PDE10A: variants seen among roughly 807,000 people sequenced by gnomAD.
The protein encoded by PDE10A is cAMP and cAMP-inhibited cGMP 3',5'-cyclic phosphodiesterase 10A.
A neutral mutation model predicts 97.7 loss-of-function variants in PDE10A; 39 were observed. The ratio of observed to expected loss-of-function variants is 0.40; its 90% confidence interval spans 0.31 to 0.52. PDE10A has a LOEUF of 0.52. Among genes scored for constraint, PDE10A ranks in the 20% least tolerant of loss-of-function variants. PDE10A has a pLI of 0.56. For missense variants in PDE10A, 731 were observed against 1,047.8 expected (o/e 0.70, Z 4.17); for synonymous variants, 371 against 376.8 (o/e 0.98, Z 0.18).
Position 165,373,996 on chromosome 6 carries a change from C to T in PDE10A, c.2783+5198G>A, listed in dbSNP as rs188413965. The stretch of plus-strand genomic sequence containing the variant: ...ATCGCAAGGACAAAAAACCAAACAC[C>T]GCATGTTCTCACTCATAGATGGGAA... On this transcript the variant is annotated intron_variant, in intron 18 of 21. Transcript: ENST00000539869. Among the ~76,000 whole-genome samples the T allele has an allele frequency of 3.6e-3, 525 of 146,448 alleles. 17 individuals carry two copies. In the East Asian group the frequency reaches 0.084, roughly 23 times the overall value.
chr6:165,982,801 C>T (rs758461943), intron 1 of PDE10A, among the ~76,000 whole-genome samples: 2 of 152,116 alleles, frequency 1.3e-5, no homozygotes, highest in Non-Finnish European at 2.9e-5. Context: ...TTCCACATGT[C>T]CATTCAGTTA....
At chr6:165,528,153 G>A (rs1207774404) in intron 2 of PDE10A, among the ~76,000 whole-genome samples, 3 of 152,240 alleles carry the variant, frequency 2.0e-5, no homozygotes, top group Non-Finnish European at 4.4e-5. Flanking sequence ...TGGAAAATTG[G>A]TGACAAAGCA....
intron 10 of PDE10A, among the ~76,000 whole-genome samples, chr6:165,423,865 A>T (rs1424242415): frequency 6.6e-6 from 1 of 150,786 alleles, no homozygotes; most frequent in Non-Finnish European, 1.5e-5. Flanking sequence ...AAAAAAAAAA[A>T]TTACCCAGAT....
At chr6:165,454,111 C>T (rs1206087739) in intron 3 of PDE10A, among the ~76,000 whole-genome samples, 1 of 152,142 alleles carries the variant, frequency 6.6e-6, no homozygotes, top group East Asian at 1.9e-4. Context: ...GACCAGTTAC[C>T]CCCTTTCTTG....
chr6:165,366,876 A>C lies in PDE10A; in HGVS notation c.2783+12318T>G, dbSNP rs187624193. Among the ~76,000 whole-genome samples, 6 of 152,332 alleles carry C rather than the reference A, an allele frequency of 3.9e-5. No homozygotes were observed. The East Asian group carries it at 1.2e-3, about 29-fold the overall frequency. On this transcript the variant is annotated intron_variant, in intron 18 of 21. Coordinates refer to ENST00000539869, the MANE Select transcript of PDE10A (RefSeq NM_001385079.1). ...AGAAATGCAACTGGCCACTAGGATA[A>C]AAGTTAATTACCTTCAGAGAAAGAC...
intron 13 of PDE10A, among the ~76,000 whole-genome samples, chr6:165,411,551 A>G (rs1787838292): frequency 6.6e-6 from 1 of 152,250 alleles, no homozygotes; most frequent in Non-Finnish European, 1.5e-5. Context: ...AACTGTGAGA[A>G]AAAAATTTCC....
intron 1 of PDE10A, among the ~76,000 whole-genome samples, chr6:165,602,668 T>G (rs1787019849): frequency 6.6e-6 from 1 of 152,190 alleles, no homozygotes; most frequent in South Asian, 2.1e-4. Flanking sequence ...TGTATTATTT[T>G]CCATAAACAG....
chr6:165,638,219 C>T (rs1018709645), intron 1 of PDE10A, among the ~76,000 whole-genome samples: 1 of 152,198 alleles, frequency 6.6e-6, no homozygotes, highest in African/African-American at 2.4e-5. Context: ...TATTTTAACC[C>T]TTTCTGTTTG....
intron 13 of PDE10A, among the ~76,000 whole-genome samples, chr6:165,408,946 A>G (rs985418007): frequency 3.3e-5 from 5 of 151,908 alleles, no homozygotes; most frequent in Non-Finnish European, 7.4e-5. Flanking sequence ...CGGGCGGATC[A>G]CGAGGTCAGG....
At position 165,753,131 on chromosome 6, in the gene PDE10A, C is replaced by T. The variant is rs548582688; in HGVS notation, c.-614-209563G>A. On this transcript the variant is annotated intron_variant, in intron 1 of 19. Coordinates refer to the PDE10A transcript ENST00000366882. ...TAGCACGTGAGGGAAATGTTAATAGCGGTTTAATTTATTATCAATCAAATA... is the reference window on the plus strand; with the variant it reads ...TAGCACGTGAGGGAAATGTTAATAGTGGTTTAATTTATTATCAATCAAATA... Among the ~76,000 whole-genome samples, 5 of 152,256 alleles carry T rather than the reference C, an allele frequency of 3.3e-5. No individual in the cohort carries two copies. The East Asian group carries it at 5.8e-4, about 18-fold the overall frequency.
At chr6:165,818,855 G>A (rs1266470605) in intron 1 of PDE10A, among the ~76,000 whole-genome samples, 1 of 152,222 alleles carries the variant, frequency 6.6e-6, no homozygotes, top group Non-Finnish European at 1.5e-5. Context: ...TACTTCAGCT[G>A]TGTTAGACAG....
chr6:165,714,115 A>G (rs914786518), intron 1 of PDE10A, among the ~76,000 whole-genome samples: 1 of 152,156 alleles, frequency 6.6e-6, no homozygotes, highest in South Asian at 2.1e-4. Context: ...AAAAACCAAA[A>G]CCAACCAAAT....
chr6:165,968,474 G>A (rs113178445), intron 1 of PDE10A, among the ~76,000 whole-genome samples: 1 of 152,118 alleles, frequency 6.6e-6, no homozygotes, highest in African/African-American at 2.4e-5. Context: ...TCTAGAAAAT[G>A]GGCCAAACAT....
At chr6:165,975,128 CA>C (rs1166226580) in intron 1 of PDE10A, among the ~76,000 whole-genome samples, 3 of 152,212 alleles carry the variant, frequency 2.0e-5, no homozygotes, top group African/African-American at 7.2e-5. Flanking sequence ...GGCCTCTCCC[CA>C]AGACTTGCTG....
At chr6:165,763,047 C>A (rs1440401928) in intron 1 of PDE10A, among the ~76,000 whole-genome samples, 1 of 152,170 alleles carries the variant, frequency 6.6e-6, no homozygotes, top group Non-Finnish European at 1.5e-5. Context: ...TGTCTTGGGG[C>A]AGAATTGTGT....
In PDE10A at chr6:165,328,555, T is replaced by G. The variant is rs1781170082; in HGVS notation, c.*4470A>C. On this transcript the variant is annotated 3_prime_UTR_variant, in exon 22 of 22. Transcript: ENST00000539869. Reference sequence around the variant, plus strand: ...CCTGGCCCTGTGTGCCATTGATTAGTTTTCTCCCACTTGCAGGAAAGAGCA... The same window carrying G: ...CCTGGCCCTGTGTGCCATTGATTAGGTTTCTCCCACTTGCAGGAAAGAGCA... 6.6e-6 allele frequency: 1 copy of G among 152,236 alleles called. No individual in the cohort carries two copies. The highest frequency in any genetic ancestry group is 2.1e-4 in the South Asian group (1 of 4,832). The allele number at this position is 152,236 out of a possible 1,614,324, so 9.4% of individuals were successfully genotyped here.
At chr6:165,353,182 A>G (rs1782808870) in intron 18 of PDE10A, among the ~76,000 whole-genome samples, 1 of 152,216 alleles carries the variant, frequency 6.6e-6, no homozygotes, top group Non-Finnish European at 1.5e-5. Flanking sequence ...CAGAAAACTG[A>G]CAATGCCCAA....
At chr6:165,552,943 G>A (rs1486113832) in intron 1 of PDE10A, among the ~76,000 whole-genome samples, 1 of 152,056 alleles carries the variant, frequency 6.6e-6, no homozygotes, top group African/African-American at 2.4e-5. Flanking sequence ...GATCACAGAC[G>A]GACCCACCAG....
At chr6:165,423,049 A>G (rs1055985125) in intron 10 of PDE10A, among the ~76,000 whole-genome samples, 4 of 152,336 alleles carry the variant, frequency 2.6e-5, no homozygotes, top group African/African-American at 9.6e-5. Flanking sequence ...CATTTTAAAC[A>G]TAAGACGACA....
Sources: gnomAD v4.1 joint callset for allele counts (sites outside exome capture counted in the v4.1 genomes callset) on GRCh38, gnomAD v4.1.1 for gene constraint, MANE v1.5 for transcripts, NCBI Gene and HGNC (gene_info 2026-07-23, HGNC 2026-07-21) for gene names.